NRG1: variants seen among roughly 807,000 people sequenced by gnomAD.
NRG1 encodes pro-neuregulin-1, membrane-bound isoform.
In NRG1, 18 loss-of-function variants were observed where a neutral mutation model predicts 63.8. The observed-to-expected ratio is 0.28, with a 90% confidence interval of 0.19 to 0.42. The LOEUF (loss-of-function observed/expected upper bound fraction) is 0.42, where lower values mean the gene tolerates loss of function less well. Ranked by LOEUF, NRG1 falls within the 10% of genes least tolerant of loss-of-function variation. NRG1 has a pLI of 1.00. For missense variants in NRG1, 762 were observed against 814.7 expected (o/e 0.94, Z 0.79); for synonymous variants, 302 against 301.3 (o/e 1.00, Z -0.02).
At chr8:31,657,313 G>A (rs1243439441) in intron 1 of NRG1, among the ~76,000 whole-genome samples, 1 of 152,146 alleles carries the variant, frequency 6.6e-6, no homozygotes, top group East Asian at 1.9e-4. Context: ...GGGGAAAGAT[G>A]AAAATGAAAT....
chr8:31,893,446 T>C (rs1831310064), intron 1 of NRG1, among the ~76,000 whole-genome samples: 1 of 151,558 alleles, frequency 6.6e-6, no homozygotes, highest in African/African-American at 2.4e-5. Flanking sequence ...GAAACATTAG[T>C]ATATTTGCTA....
At chr8:31,872,159 G>T (rs1165473835) in intron 1 of NRG1, among the ~76,000 whole-genome samples, 1 of 152,144 alleles carries the variant, frequency 6.6e-6, no homozygotes, top group Non-Finnish European at 1.5e-5. Context: ...TAGATGCCGT[G>T]GGGATGGCGA....
chr8:32,020,373 C>G (rs1816236947), intron 1 of NRG1, among the ~76,000 whole-genome samples: 1 of 152,108 alleles, frequency 6.6e-6, no homozygotes, highest in Non-Finnish European at 1.5e-5. Flanking sequence ...ACTAATTTCC[C>G]TTATTAGTCA....
At chr8:31,751,737 A>G (rs1586148091) in intron 1 of NRG1, among the ~76,000 whole-genome samples, 2 of 152,006 alleles carry the variant, frequency 1.3e-5, no homozygotes, top group East Asian at 2.0e-4. Flanking sequence ...ATGGAGAGAG[A>G]TAGAGAGTTT....
intron 7 of NRG1, among the ~76,000 whole-genome samples, chr8:32,752,310 T>C (rs1238682821): frequency 1.3e-5 from 2 of 152,136 alleles, no homozygotes; most frequent in Admixed American, 6.5e-5. Context: ...TAACACCCCA[T>C]AGAAATTAAT....
chr8:32,742,794 C>G lies in NRG1; in HGVS notation c.691+61C>G. The stretch of plus-strand genomic sequence containing the variant: ...GAGCATGCTCAGTTGGTGCTGCTTT[C>G]TTGTTGCTGCATCTCCCCTCAGATT... On this transcript the variant is annotated intron_variant, in intron 7 of 11. Coordinates refer to ENST00000356819, the Ensembl canonical transcript of NRG1. The surrounding 1 kb of genome is among the most constrained non-coding windows in gnomAD (Gnocchi z 4.2). 6.2e-7 allele frequency: 1 copy of G among 1,613,164 alleles called. No homozygotes were observed. Among genetic ancestry groups the G allele is most frequent in the Non-Finnish European group, 8.5e-7 (1 of 1,179,362 alleles).
At chr8:32,402,679 G>A (rs1813372645) in intron 1 of NRG1, among the ~76,000 whole-genome samples, 1 of 152,184 alleles carries the variant, frequency 6.6e-6, no homozygotes, top group African/African-American at 2.4e-5. Flanking sequence ...CACAGGAGTA[G>A]CAATGCTGGA....
intron 1 of NRG1, among the ~76,000 whole-genome samples, chr8:32,532,927 TTTAC>T (rs1178885731): frequency 6.6e-6 from 1 of 151,984 alleles, no homozygotes; most frequent in Non-Finnish European, 1.5e-5. Flanking sequence ...AGAAAAAACA[TTTAC>T]TTAAGTTGCT....
At chr8:32,591,572 G>A (rs1418437898) in intron 1 of NRG1, among the ~76,000 whole-genome samples, 2 of 152,016 alleles carry the variant, frequency 1.3e-5, no homozygotes, top group African/African-American at 4.8e-5. Context: ...AGTGGGGTTG[G>A]GGCCCTGAAG....
At chr8:32,341,939 T>A (rs1804135479) in intron 1 of NRG1, among the ~76,000 whole-genome samples, 1 of 152,196 alleles carries the variant, frequency 6.6e-6, no homozygotes, top group African/African-American at 2.4e-5. Context: ...ATGTTTAAGA[T>A]ACTAATTATA....
At chr8:32,643,490 C>T (rs2129546089) in intron 5 of NRG1, among the ~76,000 whole-genome samples, 1 of 152,306 alleles carries the variant, frequency 6.6e-6, no homozygotes, top group South Asian at 2.1e-4. Flanking sequence ...CTAGCAGCAG[C>T]TGCCGGTCGT....
chr8:32,687,581 T>C (rs927222395), intron 5 of NRG1, among the ~76,000 whole-genome samples: 2 of 152,144 alleles, frequency 1.3e-5, no homozygotes, highest in Admixed American at 6.5e-5. Context: ...ACCGTGCTCC[T>C]CCCAGGCAGG....
chr8:32,134,371 C>T (rs181329408), intron 1 of NRG1, among the ~76,000 whole-genome samples: 6 of 152,046 alleles, frequency 3.9e-5, no homozygotes, highest in South Asian at 4.2e-4. Flanking sequence ...TGAAGTAGTT[C>T]GTCTTCAAAA....
intron 1 of NRG1, among the ~76,000 whole-genome samples, chr8:32,445,845 A>C (rs1177223540): frequency 6.6e-6 from 1 of 152,122 alleles, no homozygotes; most frequent in Non-Finnish European, 1.5e-5. Context: ...TAAGCACCTG[A>C]AGATCACTAG....
chr8:32,158,903 G>A (rs1017267969), intron 1 of NRG1, among the ~76,000 whole-genome samples: 4 of 152,028 alleles, frequency 2.6e-5, no homozygotes, highest in African/African-American at 7.2e-5. Flanking sequence ...TGTAAAATCC[G>A]TGCATCTGAG....
In NRG1 at chr8:32,643,651, T is replaced by C. The variant is rs570370854; in HGVS notation, c.502+26766T>C. 1.1e-4 allele frequency among the ~76,000 whole-genome samples: 16 copies of C among 152,328 alleles called. No homozygotes were observed. In the East Asian group the frequency reaches 2.9e-3, roughly 28 times the overall value. ...TGTTGTAAGCTATTTCCAGGTGGTT[T>C]GTTTCACAGCAATACATAACTGAAA... On this transcript the variant is annotated intron_variant, in intron 5 of 11. Transcript: ENST00000356819.
chr8:32,610,461 G>C (rs541996189), intron 3 of NRG1, among the ~76,000 whole-genome samples: 1 of 152,188 alleles, frequency 6.6e-6, no homozygotes, highest in East Asian at 1.9e-4. Context: ...AATAAAATTA[G>C]ATCATAAAAG....
rs932215613 is a variant in NRG1 at position 31,640,019 on chromosome 8, G to A, written c.37+588G>A. The A allele has an allele frequency of 8.8e-7, 1 of 1,135,044 alleles. No individual in the cohort carries two copies. Among genetic ancestry groups the A allele is most frequent in the Non-Finnish European group, 1.1e-6 (1 of 927,950 alleles). 70.3% of individuals were successfully genotyped at this position (1,135,044 alleles called of 1,614,324 possible). A position where few individuals can be genotyped will look rare whatever the true frequency, so the allele number is the denominator to read the frequency against. On this transcript the variant is annotated intron_variant, in intron 1 of 10. Coordinates refer to the NRG1 transcript ENST00000519301. The surrounding 1 kb of genome is among the most constrained non-coding windows in gnomAD (Gnocchi z 6.3). Reference sequence around the variant, plus strand: ...CGACGCGCCCCGCGCCGCTCCGGGCGTCCCGGCCCCCGGGCCCAGCGCCCC... The same window carrying A: ...CGACGCGCCCCGCGCCGCTCCGGGCATCCCGGCCCCCGGGCCCAGCGCCCC...
At chr8:32,579,162 T>C (rs2466068) in intron 1 of NRG1, among the ~76,000 whole-genome samples, 102,161 of 148,584 alleles carry the variant, frequency 0.69, 35,704 homozygotes, top group East Asian at 0.83. Flanking sequence ...TTTTGAAAGC[T>C]TTGGAAAATT....
Sources: gnomAD v4.1 joint callset for allele counts (sites outside exome capture counted in the v4.1 genomes callset) on GRCh38, gnomAD v4.1.1 for gene constraint, Gnocchi (gnomAD v3.1) non-coding constraint, MANE v1.5 for transcripts, NCBI Gene and HGNC (gene_info 2026-07-23, HGNC 2026-07-21) for gene names.